Variants in CCDC85A observed in about 807,000 individuals in gnomAD.
CCDC85A encodes coiled-coil domain-containing protein 85A.
In CCDC85A, 38 loss-of-function variants were observed where a neutral mutation model predicts 50.2. The observed-to-expected ratio is 0.76, with a 90% confidence interval of 0.58 to 0.99. The LOEUF (loss-of-function observed/expected upper bound fraction) is 0.99. CCDC85A is among the 50% of genes least tolerant of loss of function. The pLI is 0.00. For missense variants in CCDC85A, 820 were observed against 742.0 expected, an observed-to-expected ratio of 1.11 and a Z score of -1.22; for synonymous variants, 366 against 301.4, an observed-to-expected ratio of 1.21 and a Z score of -2.22.
intron 2 of CCDC85A, among the ~76,000 whole-genome samples, chr2:56,322,087 C>T (rs1051167261): frequency 5.1e-4 from 78 of 152,272 alleles, no homozygotes; most frequent in African/African-American, 1.9e-3. Flanking sequence ...ACTGGCTAGC[C>T]ATACGTAGAA....
intron 3 of CCDC85A, among the ~76,000 whole-genome samples, chr2:56,366,290 A>G (rs1675790636): frequency 6.6e-6 from 1 of 152,172 alleles, no homozygotes; most frequent in Admixed American, 6.6e-5. Context: ...GGATTGCTGA[A>G]TCATATGTAG....
At chr2:56,375,129 C>T (rs1676271585) in intron 4 of CCDC85A, among the ~76,000 whole-genome samples, 1 of 152,126 alleles carries the variant, frequency 6.6e-6, no homozygotes, top group Non-Finnish European at 1.5e-5. Context: ...AGTACAGATC[C>T]TTAGGGGAAA....
intron 2 of CCDC85A, among the ~76,000 whole-genome samples, chr2:56,278,424 C>T (rs1671057503): frequency 6.6e-6 from 1 of 152,150 alleles, no homozygotes; most frequent in Non-Finnish European, 1.5e-5. Context: ...TTTCTGGTCA[C>T]TTTTAGACGC....
chr2:56,375,047 G>C (rs1676266928), intron 4 of CCDC85A, among the ~76,000 whole-genome samples: 1 of 152,116 alleles, frequency 6.6e-6, no homozygotes, highest in Admixed American at 6.5e-5. Flanking sequence ...GCTTTTTCTA[G>C]GAGAGTAGAT....
intron 2 of CCDC85A, among the ~76,000 whole-genome samples, chr2:56,274,375 G>A (rs1418133872): frequency 6.6e-6 from 1 of 152,076 alleles, no homozygotes; most frequent in African/African-American, 2.4e-5. Context: ...AAATTTTTAG[G>A]GCTGGCTGGC....
chr2:56,278,375 T>C (rs922159542), intron 2 of CCDC85A, among the ~76,000 whole-genome samples: 8 of 152,256 alleles, frequency 5.3e-5, no homozygotes, highest in African/African-American at 1.7e-4. Context: ...GAATTGCTTT[T>C]TGATGTGTTT....
At chr2:56,269,451 T>G (rs1266177815) in intron 2 of CCDC85A, among the ~76,000 whole-genome samples, 3 of 152,126 alleles carry the variant, frequency 2.0e-5, no homozygotes, top group African/African-American at 7.2e-5. Context: ...AAAACATAAG[T>G]CTATGTGAAA....
intron 2 of CCDC85A, among the ~76,000 whole-genome samples, chr2:56,200,935 T>C (rs147512273): frequency 0.011 from 1,462 of 135,052 alleles, 15 homozygotes; most frequent in Middle Eastern, 0.03. Flanking sequence ...TATCCAATAG[T>C]TTTTTTTTTT....
At chr2:56,320,897 T>C (rs1040634392) in intron 2 of CCDC85A, among the ~76,000 whole-genome samples, 9 of 152,028 alleles carry the variant, frequency 5.9e-5, no homozygotes, top group African/African-American at 1.5e-4. Context: ...CTCAATAAAA[T>C]ACTGGCAAAC....
At chr2:56,287,470 T>C (rs910918386) in intron 2 of CCDC85A, among the ~76,000 whole-genome samples, 2 of 152,236 alleles carry the variant, frequency 1.3e-5, no homozygotes, top group East Asian at 1.9e-4. Flanking sequence ...TTCCATTGCC[T>C]ATTGTCCAAT....
intron 2 of CCDC85A, among the ~76,000 whole-genome samples, chr2:56,255,941 A>G (rs577601930): frequency 7.2e-5 from 11 of 152,290 alleles, no homozygotes; most frequent in African/African-American, 2.6e-4. Context: ...GGTAAGAGCA[A>G]TAGATGGGAG....
chr2:56,315,962 C>T (rs1040852114), intron 2 of CCDC85A, among the ~76,000 whole-genome samples: 4 of 152,086 alleles, frequency 2.6e-5, no homozygotes, highest in African/African-American at 9.7e-5. Context: ...ATCCCAACTT[C>T]CCTCCTTAGT....
intron 2 of CCDC85A, among the ~76,000 whole-genome samples, chr2:56,339,721 C>G (rs572001043): frequency 3.8e-4 from 58 of 151,874 alleles, no homozygotes; most frequent in African/African-American, 1.4e-3. Flanking sequence ...ATGAACTTTT[C>G]ACTTGGATGG....
At chr2:56,327,831 C>CAA (rs70955016) in intron 2 of CCDC85A, among the ~76,000 whole-genome samples, 93 of 93,152 alleles carry the variant, frequency 1.0e-3, no homozygotes, top group African/African-American at 1.4e-3. Flanking sequence ...TAGAGTAAGG[C>CAA]AAAAAAAAAA....
intron 4 of CCDC85A, among the ~76,000 whole-genome samples, chr2:56,372,777 T>A (rs1330734308): frequency 6.6e-6 from 1 of 152,214 alleles, no homozygotes; most frequent in African/African-American, 2.4e-5. Flanking sequence ...TTGAAAATCA[T>A]GTCTCTAGAC....
chr2:56,247,348 G>GTCT (rs1669555704), intron 2 of CCDC85A, among the ~76,000 whole-genome samples: 1 of 152,252 alleles, frequency 6.6e-6, no homozygotes, highest in East Asian at 1.9e-4. Flanking sequence ...GCAGACATGG[G>GTCT]TCTTTTTTTT....
Position 56,341,605 on chromosome 2 carries a change from C to T in CCDC85A, c.1241-1274C>T, listed in dbSNP as rs557152279. Among the ~76,000 whole-genome samples, 9 of 152,214 alleles carry T rather than the reference C, an allele frequency of 5.9e-5. No homozygotes were observed. The East Asian group carries it at 1.4e-3, about 23-fold the overall frequency. ...AAGAAGAGTTACTATCAGATTGTTC[C>T]CAGAAATAAAATTTTACTTTTCTTC... is the stretch of plus-strand genomic sequence containing the variant. On this transcript the variant is annotated intron_variant, in intron 2 of 5. Coordinates refer to ENST00000407595, the MANE Select transcript of CCDC85A (RefSeq NM_001080433.2).
chr2:56,189,337 CAGG>C (rs1676197551), intron 1 of CCDC85A, among the ~76,000 whole-genome samples: 1 of 130,320 alleles, frequency 7.7e-6, no homozygotes, highest in Non-Finnish European at 1.6e-5. Flanking sequence ...CTCTGTTGCC[CAGG>C]CTGTAGTGTA....
At chr2:56,359,410 G>T (rs1675415925) in intron 3 of CCDC85A, among the ~76,000 whole-genome samples, 1 of 152,126 alleles carries the variant, frequency 6.6e-6, no homozygotes, top group African/African-American at 2.4e-5. Flanking sequence ...GTACTTTTTT[G>T]AAACATATGT....
Sources: gnomAD v4.1 joint callset for allele counts (sites outside exome capture counted in the v4.1 genomes callset) on GRCh38, gnomAD v4.1.1 for gene constraint, MANE v1.5 for transcripts, NCBI Gene and HGNC (gene_info 2026-07-23, HGNC 2026-07-21) for gene names.